Variants in EHBP1 observed in about 807,000 individuals in gnomAD.
The protein encoded by EHBP1 is EH domain-binding protein 1.
EHBP1 carries 55 observed loss-of-function variants against 144.0 expected under a neutral mutation model. The ratio of observed to expected loss-of-function variants is 0.38; its 90% confidence interval spans 0.31 to 0.48. EHBP1 has a LOEUF of 0.48. Among genes scored for constraint, EHBP1 ranks in the 20% least tolerant of loss-of-function variants. The pLI is 0.98. For synonymous variants in EHBP1, 469 were observed against 472.7 expected (o/e 0.99, Z 0.10); for missense variants, 1,200 against 1,364.2 (o/e 0.88, Z 1.90).
At chr2:62,734,689 T>A (rs2037942615) in intron 2 of EHBP1, among the ~76,000 whole-genome samples, 1 of 152,150 alleles carries the variant, frequency 6.6e-6, no homozygotes, top group African/African-American at 2.4e-5. Flanking sequence ...TTGTTACTGT[T>A]CTCTATTTGT....
At chr2:62,889,617 C>G (rs200739833) in intron 10 of EHBP1, among the ~76,000 whole-genome samples, 1 of 152,130 alleles carries the variant, frequency 6.6e-6, no homozygotes, top group Non-Finnish European at 1.5e-5. Context: ...CTGCATATGG[C>G]TAGCCAGTTA....
At chr2:62,700,601 AC>A (rs1230653269) in intron 1 of EHBP1, among the ~76,000 whole-genome samples, 1 of 151,960 alleles carries the variant, frequency 6.6e-6, no homozygotes, top group African/African-American at 2.4e-5. Flanking sequence ...GTGCCTCTGT[AC>A]CCCTCTGGGT....
chr2:62,870,463 C>T (rs1197589968), intron 9 of EHBP1, among the ~76,000 whole-genome samples: 3 of 151,722 alleles, frequency 2.0e-5, no homozygotes, highest in Non-Finnish European at 4.4e-5. Flanking sequence ...ACCTGTAATC[C>T]CAACACTTTG....
At chr2:62,808,322 T>C (rs1247424358) in intron 5 of EHBP1, among the ~76,000 whole-genome samples, 1 of 152,006 alleles carries the variant, frequency 6.6e-6, no homozygotes, top group African/African-American at 2.4e-5. Context: ...TTTCCAGTCT[T>C]TTTTCTCTTT....
intron 10 of EHBP1, among the ~76,000 whole-genome samples, chr2:62,891,220 C>G (rs1336598122): frequency 1.3e-5 from 2 of 151,522 alleles, no homozygotes; most frequent in African/African-American, 4.8e-5. Context: ...ACCTATGACT[C>G]AAGAAGAAAT....
intron 2 of EHBP1, among the ~76,000 whole-genome samples, chr2:62,708,199 C>T (rs1158520359): frequency 1.3e-5 from 2 of 152,034 alleles, no homozygotes; most frequent in Admixed American, 6.5e-5. Context: ...TTGCTTTATT[C>T]TAGAACTCTT....
At chr2:62,973,348 G>C (rs2058577215) in intron 14 of EHBP1, among the ~76,000 whole-genome samples, 1 of 152,148 alleles carries the variant, frequency 6.6e-6, no homozygotes, top group Non-Finnish European at 1.5e-5. Flanking sequence ...GTTTTTGTTA[G>C]TACTCTTAAC....
chr2:62,714,392 A>G (rs1445766755), intron 2 of EHBP1, among the ~76,000 whole-genome samples: 2 of 152,220 alleles, frequency 1.3e-5, no homozygotes, highest in African/African-American at 4.8e-5. Context: ...CATAAGTAAC[A>G]GAGAAGAGAC....
chr2:62,930,340 C>T (rs2055884969), intron 10 of EHBP1, among the ~76,000 whole-genome samples: 1 of 152,088 alleles, frequency 6.6e-6, no homozygotes, highest in Admixed American at 6.6e-5. Context: ...AAGACTTGCA[C>T]ACTGAAAACT....
rs1382245108 is a variant in EHBP1, at chr2:62,948,877, C to G, written c.2031C>G (p.Pro677=). The G allele has an allele frequency of 6.2e-7, 1 of 1,613,992 alleles. No individual in the cohort carries two copies. The highest frequency in any genetic ancestry group is 8.5e-7 in the Non-Finnish European group (1 of 1,179,972). Residue 677 remains proline, a synonymous_variant, in exon 13 of 23, where the codon CCC becomes CCG. Transcript: ENST00000431489. ...ATAAGAAGAAGGATATGTCTCCACC[C>G]TTTATTTGTGAGGAGACAGATGAAC... ...VSDKKKDMSP[P]FICEETDEQK... is the part of the protein sequence containing the mutation.
At chr2:62,687,018 G>A (rs781546747) in intron 1 of EHBP1, among the ~76,000 whole-genome samples, 2 of 152,156 alleles carry the variant, frequency 1.3e-5, no homozygotes, top group Non-Finnish European at 2.9e-5. Context: ...AACTAAAAGA[G>A]CTGTATTCAA....
At chr2:62,920,156 A>C (rs1038419055) in intron 10 of EHBP1, among the ~76,000 whole-genome samples, 5 of 152,202 alleles carry the variant, frequency 3.3e-5, no homozygotes, top group African/African-American at 1.2e-4. Flanking sequence ...GGATGAACTC[A>C]AAAAGTCCTA....
At chr2:62,727,579 C>T (rs1400414903) in intron 2 of EHBP1, among the ~76,000 whole-genome samples, 3 of 152,134 alleles carry the variant, frequency 2.0e-5, no homozygotes, top group African/African-American at 4.8e-5. Flanking sequence ...TGACTGGCTT[C>T]TTTCACTTAG....
At chr2:62,773,224 C>G (rs1015511729) in intron 5 of EHBP1, among the ~76,000 whole-genome samples, 1 of 148,832 alleles carries the variant, frequency 6.7e-6, no homozygotes, top group Non-Finnish European at 1.5e-5. Flanking sequence ...GTAGATCTCC[C>G]TCTTCAGTTT....
chr2:62,898,256 C>G (rs1242647298), intron 10 of EHBP1, among the ~76,000 whole-genome samples: 1 of 152,130 alleles, frequency 6.6e-6, no homozygotes, highest in Non-Finnish European at 1.5e-5. Flanking sequence ...GATCTTTCTA[C>G]TGCAAAACAG....
At chr2:62,767,476 C>T (rs183545206) in intron 4 of EHBP1, among the ~76,000 whole-genome samples, 3 of 151,906 alleles carry the variant, frequency 2.0e-5, no homozygotes, top group African/African-American at 4.8e-5. Context: ...GGTGGGTGAT[C>T]GCTTGAGCCA....
At chr2:62,919,076 G>C (rs1302387445) in intron 10 of EHBP1, among the ~76,000 whole-genome samples, 1 of 152,322 alleles carries the variant, frequency 6.6e-6, no homozygotes, top group East Asian at 1.9e-4. Flanking sequence ...TCCTGGAATA[G>C]CTTGCACAGA....
intron 1 of EHBP1, among the ~76,000 whole-genome samples, chr2:62,675,335 G>A (rs10165717): frequency 1.3e-3 from 202 of 152,254 alleles, no homozygotes; most frequent in Middle Eastern, 0.01. Context: ...TAATTCATCT[G>A]CCTCTACAGA....
intron 5 of EHBP1, among the ~76,000 whole-genome samples, chr2:62,823,301 G>C (rs2046117446): frequency 6.6e-6 from 1 of 152,082 alleles, no homozygotes; most frequent in Non-Finnish European, 1.5e-5. Flanking sequence ...CAGTTATTCA[G>C]ACAGACATTC....
Sources: allele counts gnomAD v4.1 joint callset (sites outside exome capture counted in the v4.1 genomes callset), GRCh38; gene constraint gnomAD v4.1.1; transcripts MANE v1.5; gene names NCBI Gene and HGNC (gene_info 2026-07-23, HGNC 2026-07-21).